The following PAX5 variants were observed in gnomAD, a reference collection of about 807,000 sequenced individuals.
PAX5 encodes paired box 5.
In PAX5, 9 loss-of-function variants were observed where a neutral mutation model predicts 43.7. That is an observed-to-expected ratio of 0.21 (90% confidence interval 0.12 to 0.36). The LOEUF (loss-of-function observed/expected upper bound fraction) is 0.36, where lower values mean the gene tolerates loss of function less well. PAX5 is among the 10% of genes least tolerant of loss of function. PAX5 has a pLI of 1.00. For missense variants in PAX5, 383 were observed against 532.7 expected (o/e 0.72, Z 2.77); for synonymous variants, 228 against 214.3 (o/e 1.06, Z -0.56).
At position 36,983,012 on chromosome 9, in the gene PAX5, C is replaced by G. The variant is rs571990767; in HGVS notation, c.605-16288G>C. Among the ~76,000 whole-genome samples the G allele has an allele frequency of 2.0e-5, 3 of 152,204 alleles. No individual in the cohort carries two copies. The South Asian group carries it at 6.2e-4, about 32-fold the overall frequency. On this transcript the variant is annotated intron_variant, in intron 5 of 9. Coordinates refer to ENST00000358127, the MANE Select transcript of PAX5 (RefSeq NM_016734.3). ...TTAATGGATGGGGCCAGGGATGCTACCCAGCACAGTTCAGCACGGTAAATA... is the reference window on the plus strand; with the variant it reads ...TTAATGGATGGGGCCAGGGATGCTAGCCAGCACAGTTCAGCACGGTAAATA...
intron 5 of PAX5, among the ~76,000 whole-genome samples, chr9:37,001,810 C>CTTTTTTTTTT (rs3073720): frequency 3.0e-3 from 265 of 87,932 alleles, no homozygotes; most frequent in African/African-American, 5.3e-3. Flanking sequence ...ACAGCTCTGG[C>CTTTTTTTTTT]TTTTTTTTTT....
intron 4 of PAX5, among the ~76,000 whole-genome samples, chr9:37,006,252 A>G (rs532138157): frequency 1.3e-5 from 2 of 152,166 alleles, no homozygotes; most frequent in Non-Finnish European, 2.9e-5. Flanking sequence ...TCTCATGGTG[A>G]AAGCTATTTA....
At chr9:36,992,114 C>T (rs1836991988) in intron 5 of PAX5, among the ~76,000 whole-genome samples, 1 of 139,420 alleles carries the variant, frequency 7.2e-6, no homozygotes, top group Admixed American at 6.9e-5. Context: ...CACACACACA[C>T]CTCGCCCCCA....
chr9:37,027,945 A>G (rs1840598555), intron 1 of PAX5, among the ~76,000 whole-genome samples: 2 of 152,202 alleles, frequency 1.3e-5, no homozygotes, highest in Non-Finnish European at 2.9e-5. Flanking sequence ...ACTAAGGCCT[A>G]GTGGATCGCG....
At position 36,871,928 on chromosome 9, in the gene PAX5, A is replaced by G. The variant is rs2131710591; in HGVS notation, c.1012+10076T>C. Among the ~76,000 whole-genome samples the G allele has an allele frequency of 2.0e-5, 3 of 152,300 alleles. No individual in the cohort carries two copies. The South Asian group carries it at 6.2e-4, about 32-fold the overall frequency. ...CAGCTGTCCTTGCAATGGGGTTGTG[A>G]GAAATAAGAATGTTTCCCAGCACCT... On this transcript the variant is annotated intron_variant, in intron 8 of 9. Transcript: ENST00000358127.
At chr9:36,854,675 T>C (rs1336101329) in intron 8 of PAX5, among the ~76,000 whole-genome samples, 2 of 152,130 alleles carry the variant, frequency 1.3e-5, no homozygotes, top group Non-Finnish European at 2.9e-5. Context: ...CAGCAAGACC[T>C]TCCTGGGCTC....
intron 7 of PAX5, among the ~76,000 whole-genome samples, chr9:36,911,945 A>G (rs1829329950): frequency 6.6e-6 from 1 of 152,226 alleles, no homozygotes; most frequent in Non-Finnish European, 1.5e-5. Flanking sequence ...AAGCAACCCC[A>G]TGCAGTGTTT....
intron 5 of PAX5, among the ~76,000 whole-genome samples, chr9:36,970,460 G>A (rs1588114338): frequency 6.6e-6 from 1 of 152,154 alleles, no homozygotes; most frequent in African/African-American, 2.4e-5. Context: ...CCTTGCTGCA[G>A]GAGTCTTGAG....
intron 5 of PAX5, among the ~76,000 whole-genome samples, chr9:36,997,357 C>A (rs1178466178): frequency 6.6e-6 from 1 of 152,228 alleles, no homozygotes; most frequent in Non-Finnish European, 1.5e-5. Flanking sequence ...GGGATTCGCA[C>A]TCCGCTGACC....
rs2132595379 is a variant in PAX5, at chr9:37,034,150, C to T, written c.-119G>A. Reference sequence around the variant, plus strand: ...TTGGTGCCAGGGGCCGCTCACAGGTCGGAATAATTCAAGCCTTCCGCTCCC... The same window carrying T: ...TTGGTGCCAGGGGCCGCTCACAGGTTGGAATAATTCAAGCCTTCCGCTCCC... On this transcript the variant is annotated 5_prime_UTR_variant, in exon 1 of 10. Transcript: ENST00000358127. The T allele has an allele frequency of 1.8e-6, 1 of 564,062 alleles. No homozygotes were observed. 34.9% of individuals were successfully genotyped at this position (564,062 alleles called of 1,614,324 possible).
intron 5 of PAX5, among the ~76,000 whole-genome samples, chr9:36,988,327 T>C (rs1277250420): frequency 6.6e-6 from 1 of 152,156 alleles, no homozygotes; most frequent in Non-Finnish European, 1.5e-5. Flanking sequence ...CCTTTTCTTC[T>C]GACCCTAAGC....
rs1475577697 is a variant in PAX5 at position 36,882,157 on chromosome 9, CTCATGT to C, written c.911-58_911-53del. 2 of 1,415,594 alleles carry C rather than the reference CTCATGT, an allele frequency of 1.4e-6. No individual in the cohort carries two copies. The highest frequency in any genetic ancestry group is 1.9e-6 in the Non-Finnish European group (2 of 1,032,214). The allele number at this position is 1,415,594 out of a possible 1,614,324, so 87.7% of individuals were successfully genotyped here. ...GGGTGAGCATCTTCGCGGCCAGCCGCTCATGTCCACAGCTCCCTGGACGCTTCTGCA... is the reference window on the plus strand; with the variant it reads ...GGGTGAGCATCTTCGCGGCCAGCCGCCCACAGCTCCCTGGACGCTTCTGCA... On this transcript the variant is annotated intron_variant, in intron 7 of 9. Transcript: ENST00000358127. The surrounding 1 kb of genome is among the most constrained non-coding windows in gnomAD (Gnocchi z 4.4).
intron 5 of PAX5, among the ~76,000 whole-genome samples, chr9:36,972,719 C>T (rs1835018863): frequency 6.6e-6 from 1 of 152,114 alleles, no homozygotes; most frequent in South Asian, 2.1e-4. Flanking sequence ...TATATTTACT[C>T]TTAAGCTGTT....
At chr9:36,870,269 G>A (rs1326213652) in intron 8 of PAX5, among the ~76,000 whole-genome samples, 1 of 152,118 alleles carries the variant, frequency 6.6e-6, no homozygotes, top group East Asian at 1.9e-4. Context: ...CTTCTTCTAG[G>A]ACACGGAGGC....
At chr9:36,921,405 G>C (rs143088966) in intron 7 of PAX5, among the ~76,000 whole-genome samples, 1 of 152,216 alleles carries the variant, frequency 6.6e-6, no homozygotes, top group Non-Finnish European at 1.5e-5. Flanking sequence ...TGTGTCCAGA[G>C]TCAGACGGCA....
chr9:36,853,227 G>GT (rs5897661), intron 8 of PAX5, among the ~76,000 whole-genome samples: 45,491 of 152,040 alleles, frequency 0.3, 7,879 homozygotes, highest in East Asian at 0.52. Context: ...TTGTTTACTA[G>GT]TTTTTTCTTT....
chr9:36,991,618 A>C (rs1372891832), intron 5 of PAX5, among the ~76,000 whole-genome samples: 1 of 152,212 alleles, frequency 6.6e-6, no homozygotes, highest in Non-Finnish European at 1.5e-5. Context: ...GCTAATGGTC[A>C]GCCCACCTGG....
At chr9:36,858,844 C>A (rs538970394) in intron 8 of PAX5, among the ~76,000 whole-genome samples, 1 of 152,308 alleles carries the variant, frequency 6.6e-6, no homozygotes, top group Admixed American at 6.5e-5. Context: ...ATCACCTCCC[C>A]TGGCTCTGCT....
chr9:36,861,167 T>A (rs1172282112), intron 8 of PAX5: 1 of 151,866 alleles, frequency 6.6e-6, no homozygotes, highest in East Asian at 1.9e-4. Context: ...CCTGGTGGCA[T>A]CTGCCTTGAC....
Sources: allele counts gnomAD v4.1 joint callset (sites outside exome capture counted in the v4.1 genomes callset), GRCh38; gene constraint gnomAD v4.1.1; non-coding constraint Gnocchi (gnomAD v3.1); transcripts MANE v1.5; gene names NCBI Gene and HGNC (gene_info 2026-07-23, HGNC 2026-07-21).